CIDEB: variants seen among roughly 807,000 people sequenced by gnomAD.
CIDEB encodes the protein lipid transferase CIDEB.
In CIDEB, 27 loss-of-function variants were observed where a neutral mutation model predicts 22.4. That is an observed-to-expected ratio of 1.21 (90% CI 0.89 to 1.66). CIDEB has a LOEUF of 1.66. CIDEB is among the 40% of genes most tolerant of loss of function. The probability of loss-of-function intolerance (pLI) is 0.00; values close to 1 mark genes in which losing one functional copy is unlikely to be tolerated. For synonymous variants in CIDEB, 103 were observed against 109.5 expected, an observed-to-expected ratio of 0.94 and a Z score of 0.37; for missense variants, 289 against 268.7, an observed-to-expected ratio of 1.08 and a Z score of -0.53.
chr14:24,310,808 G>GCGGGCTGT (rs2041669697), upstream of CIDEB: 3 of 1,597,712 alleles, frequency 1.9e-6, no homozygotes, highest in Non-Finnish European at 2.6e-6. Flanking sequence ...TGGCGGGCTG[G>GCGGGCTGT]CGGCCTGCAC....
chr14:24,310,721 G>C (rs892733806), upstream of CIDEB: 3 of 1,612,330 alleles, frequency 1.9e-6, no homozygotes, highest in Non-Finnish European at 2.5e-6. Flanking sequence ...GGAAGACTTC[G>C]CGGGCCACAG....
At position 24,306,449 on chromosome 14, in the gene CIDEB, C is replaced by G. The variant is rs2041510090; in HGVS notation, c.261G>C (p.Glu87Asp). 2 of 1,614,124 alleles carry G rather than the reference C, an allele frequency of 1.2e-6. No homozygotes were observed. The highest frequency in any genetic ancestry group is 1.7e-6 in the Non-Finnish European group (2 of 1,180,050). The change falls in exon 3 of 5, where the codon GAG becomes GAC. Residue 87 changes from glutamate to aspartate, a missense_variant. By Grantham distance (45) the Glu-to-Asp change is conservative. Coordinates refer to ENST00000554411, the MANE Select transcript of CIDEB (RefSeq NM_001393339.1). ...CATCCTCCAGCAGCTGGAAGAAGTC[C>G]TCACTGTCCACTGCAGTTCCATCCT... ...LEEDGTAVDS[E>D]DFFQLLEDDT...
chr14:24,308,015 T>G, upstream of CIDEB: 1 of 689,412 alleles, frequency 1.5e-6, no homozygotes, highest in Non-Finnish European at 2.6e-6. Context: ...GCCTGGCCAG[T>G]AAGAAGGGCA....
At position 24,306,004 on chromosome 14, in the gene CIDEB, T is replaced by C; in HGVS notation, c.470A>G (p.Tyr157Cys). The C allele has an allele frequency of 6.2e-7, 1 of 1,614,162 alleles. No individual in the cohort carries two copies. Among genetic ancestry groups the C allele is most frequent in the Non-Finnish European group, 8.5e-7 (1 of 1,180,026 alleles). ...GTCACAACTCATAGAGTAGAGCCCG[T>C]AGAATGTGGCTTTGACATTCAGGCT... ...FGSLNVKATF[Y>C]GLYSMSCDFQ... The change falls in exon 4 of 5, where the codon TAC becomes TGC. Residue 157 changes from tyrosine to cysteine, a missense_variant. Tyr to Cys is a radical substitution (Grantham distance 194). Coordinates refer to ENST00000554411, the MANE Select transcript of CIDEB (RefSeq NM_001393339.1).
chr14:24,310,901 G>A (rs2041673866), upstream of CIDEB: 5 of 1,593,294 alleles, frequency 3.1e-6, no homozygotes, highest in Non-Finnish European at 4.2e-6. Context: ...CGCTCTTTGT[G>A]GCCTTCCTGA....
chr14:24,306,585 G>A, intron 2 of CIDEB, 62 bp from the exon 3 acceptor site: 1 of 1,604,228 alleles, frequency 6.2e-7, no homozygotes, highest in Non-Finnish European at 8.5e-7. Flanking sequence ...CTCTTTAGCT[G>A]CCCAACATCC....
chr14:24,306,240 C>T (rs1173560896), intron 3 of CIDEB, 103 bp from the exon 4 acceptor site: 1 of 1,518,802 alleles, frequency 6.6e-7, no homozygotes. Context: ...ACTTTCTGTC[C>T]ACTGTGTGAC....
chr14:24,311,345 C>T (rs2041698022), upstream of CIDEB: 8 of 1,604,892 alleles, frequency 5.0e-6, no homozygotes, highest in Non-Finnish European at 6.8e-6. Context: ...GGCTGGTGAG[C>T]GCCATCGTGC....
At chr14:24,311,167 G>A, upstream of CIDEB, 1 of 1,605,150 alleles carries the variant, frequency 6.2e-7, no homozygotes. Context: ...GACCGCGTAT[G>A]CCAGCTGTGC....
At chr14:24,310,933 G>A, upstream of CIDEB, 1 of 1,590,708 alleles carries the variant, frequency 6.3e-7, no homozygotes, top group Non-Finnish European at 8.5e-7. Flanking sequence ...TGGCCGCTGG[G>A]CCAGGCGGGC....
chr14:24,310,397 G>A (rs557123979), upstream of CIDEB: 27 of 629,212 alleles, frequency 4.3e-5, no homozygotes, highest in African/African-American at 4.8e-4. Flanking sequence ...ATGACTTTAT[G>A]CCTGTTTACC....
At position 24,307,518 on chromosome 14, in the gene CIDEB, G is replaced by C. The variant is rs1337137612; in HGVS notation, c.42-3C>G. ...CCGAGCTTATATTAGATACTGACCT[G>C]GTAGTTGAGAAGAAAAGTCAAGAAG... On this transcript the variant is annotated splice_polypyrimidine_tract_variant and splice_region_variant and intron_variant, in intron 1 of 4. Transcript: ENST00000554411. 2 of 1,612,124 alleles carry C rather than the reference G, an allele frequency of 1.2e-6. No homozygotes were observed. Among genetic ancestry groups the C allele is most frequent in the African/African-American group, 2.7e-5 (2 of 74,838 alleles).
At position 24,305,342 on chromosome 14, in the gene CIDEB, A is replaced by G; in HGVS notation, c.*291T>C. The stretch of plus-strand genomic sequence containing the variant: ...GCATTGGTAGGGGATTAGATGTAGC[A>G]GCAGTCAGGCTGGGATCAAGATGCC... On this transcript the variant is annotated 3_prime_UTR_variant, in exon 5 of 5. Transcript: ENST00000554411. The G allele has an allele frequency of 1.8e-6, 1 of 560,440 alleles. No individual in the cohort carries two copies. Among genetic ancestry groups the G allele is most frequent in the Non-Finnish European group, 3.0e-6 (1 of 332,426 alleles). 34.7% of individuals were successfully genotyped at this position (560,440 alleles called of 1,614,324 possible).
intron 2 of CIDEB, chr14:24,306,963 C>G (rs1480061318): frequency 3.9e-6 from 1 of 254,252 alleles, no homozygotes; most frequent in African/African-American, 2.2e-5. Context: ...TATCCTCTTA[C>G]TCCTTTCAAC....
intron 2 of CIDEB, chr14:24,306,887 T>C (rs761303712): frequency 9.1e-6 from 3 of 330,548 alleles, no homozygotes; most frequent in Non-Finnish European, 1.7e-5. Context: ...CAGAAGTGTT[T>C]TCAGTAATAG....
chr14:24,310,892 G>T (rs765401589), upstream of CIDEB: 1 of 1,592,550 alleles, frequency 6.3e-7, no homozygotes. Context: ...TGCTCACGCC[G>T]CTCTTTGTGG....
chr14:24,311,217 G>C, upstream of CIDEB: 1 of 1,609,318 alleles, frequency 6.2e-7, no homozygotes, highest in Non-Finnish European at 8.5e-7. Flanking sequence ...CCTGAGCCTG[G>C]AGACTCTGAC....
chr14:24,306,635 C>CT (rs2041518755), intron 2 of CIDEB, 112 bp from the exon 3 acceptor site: 2 of 1,371,136 alleles, frequency 1.5e-6, no homozygotes, highest in Admixed American at 3.8e-5. Flanking sequence ...CCCACTTTGA[C>CT]TTTCCGGCAC....
At chr14:24,310,892 G>C (rs765401589), upstream of CIDEB, 7 of 1,592,550 alleles carry the variant, frequency 4.4e-6, no homozygotes, top group African/African-American at 5.4e-5. Flanking sequence ...TGCTCACGCC[G>C]CTCTTTGTGG....
Sources: gnomAD v4.1 joint callset for allele counts on GRCh38, gnomAD v4.1.1 for gene constraint, MANE v1.5 for transcripts, NCBI Gene and HGNC (gene_info 2026-07-23, HGNC 2026-07-21) for gene names.